The following MTX2 variants were observed in gnomAD, a reference collection of about 807,000 sequenced individuals.
The protein encoded by MTX2 is metaxin 2.
MTX2 carries 35 observed loss-of-function variants against 42.3 expected under a neutral mutation model. The ratio of observed to expected loss-of-function variants is 0.83; its 90% confidence interval spans 0.63 to 1.10. The LOEUF is 1.10. Among genes scored for constraint, MTX2 ranks in the 50% least tolerant of loss-of-function variants. The probability of loss-of-function intolerance (pLI) is 0.00; values close to 1 mark genes in which losing one functional copy is unlikely to be tolerated. For missense variants in MTX2, 307 were observed against 304.1 expected (o/e 1.01, Z -0.07); for synonymous variants, 119 against 100.9 (o/e 1.18, Z -1.08).
At chr2:176,293,753 T>A (rs1352090597) in intron 1 of MTX2, among the ~76,000 whole-genome samples, 1 of 152,192 alleles carries the variant, frequency 6.6e-6, no homozygotes, top group Non-Finnish European at 1.5e-5. Context: ...TCTGTATAAA[T>A]TACCCAGTCT....
At chr2:176,282,137 T>TTTTTTTTTTG (rs1693094767) in intron 1 of MTX2, among the ~76,000 whole-genome samples, 4 of 138,876 alleles carry the variant, frequency 2.9e-5, no homozygotes, top group African/African-American at 1.1e-4. Flanking sequence ...TTTTTTTTTT[T>TTTTTTTTTTG]TTTTTTTTTT....
At chr2:176,304,681 A>G (rs1684101293) in intron 3 of MTX2, among the ~76,000 whole-genome samples, 1 of 152,048 alleles carries the variant, frequency 6.6e-6, no homozygotes, top group Non-Finnish European at 1.5e-5. Context: ...GTCTGGTTGA[A>G]AAAGGATATG....
chr2:176,332,962 A>C (rs1218173643), intron 9 of MTX2, among the ~76,000 whole-genome samples: 1 of 151,460 alleles, frequency 6.6e-6, no homozygotes, highest in African/African-American at 2.4e-5. Context: ...GTTGAATTTT[A>C]CTGAGTGCCA....
chr2:176,280,869 G>A (rs749630166), intron 1 of MTX2, among the ~76,000 whole-genome samples: 2 of 152,226 alleles, frequency 1.3e-5, no homozygotes, highest in South Asian at 2.1e-4. Flanking sequence ...TAAGGAGAGC[G>A]TCATGGACAA....
chr2:176,297,999 GT>G, intron 3 of MTX2, 104 bp downstream of exon 3: 1 of 704,488 alleles, frequency 1.4e-6, no homozygotes. Context: ...GATACTATAT[GT>G]TTAGATTTTT....
chr2:176,330,785 A>AT, intron 9 of MTX2, 125 bp downstream of exon 9: 4 of 674,598 alleles, frequency 5.9e-6, no homozygotes, highest in Admixed American at 2.5e-5. Context: ...GTACTCAAAT[A>AT]TTTTTGTGGC....
At chr2:176,310,904 C>T (rs778680867) in intron 3 of MTX2, among the ~76,000 whole-genome samples, 1 of 152,208 alleles carries the variant, frequency 6.6e-6, no homozygotes, top group African/African-American at 2.4e-5. Context: ...CTTCTGTCAA[C>T]TTGTGAAAGT....
chr2:176,274,072 T>C (rs1271997607), intron 1 of MTX2, among the ~76,000 whole-genome samples: 1 of 152,176 alleles, frequency 6.6e-6, no homozygotes, highest in Non-Finnish European at 1.5e-5. Flanking sequence ...GGCACCGTTT[T>C]AACCATTTAA....
At chr2:176,310,161 A>T (rs573615901) in intron 3 of MTX2, among the ~76,000 whole-genome samples, 17 of 152,080 alleles carry the variant, frequency 1.1e-4, no homozygotes, top group Non-Finnish European at 1.9e-4. Flanking sequence ...TCCTTCACTT[A>T]TGAAGCTTAG....
intron 1 of MTX2, among the ~76,000 whole-genome samples, chr2:176,294,340 A>G (rs1052931200): frequency 6.4e-5 from 9 of 140,582 alleles, no homozygotes; most frequent in Non-Finnish European, 1.0e-4. Context: ...GCTGGACTGC[A>G]GTGGCGTGAT....
At chr2:176,330,351 T>C (rs1490322015) in intron 8 of MTX2, among the ~76,000 whole-genome samples, 2 of 149,850 alleles carry the variant, frequency 1.3e-5, no homozygotes, top group East Asian at 1.9e-4. Flanking sequence ...TATATACTTA[T>C]ATAGAAAGTA....
intron 1 of MTX2, among the ~76,000 whole-genome samples, chr2:176,280,410 A>G (rs1312702927): frequency 5.9e-5 from 9 of 152,228 alleles, no homozygotes; most frequent in South Asian, 2.1e-4. Context: ...GTAACTATCA[A>G]AAGTCTTAAC....
At chr2:176,296,955 A>C in intron 2 of MTX2, 48 bp downstream of exon 2, 1 of 1,544,624 alleles carries the variant, frequency 6.5e-7, no homozygotes, top group Non-Finnish European at 8.9e-7. Context: ...AACTATATTT[A>C]TTACGGAAAA....
At chr2:176,303,247 A>T (rs1047645264) in intron 3 of MTX2, among the ~76,000 whole-genome samples, 2 of 152,114 alleles carry the variant, frequency 1.3e-5, no homozygotes, top group Non-Finnish European at 2.9e-5. Flanking sequence ...ACAAAACTTT[A>T]TTAAAGCCTC....
At chr2:176,279,982 G>A (rs539747513) in intron 1 of MTX2, among the ~76,000 whole-genome samples, 28 of 152,194 alleles carry the variant, frequency 1.8e-4, no homozygotes, top group African/African-American at 6.5e-4. Flanking sequence ...AATGACTATT[G>A]GTTTGACTTT....
intron 1 of MTX2, among the ~76,000 whole-genome samples, chr2:176,276,760 G>A (rs1692956515): frequency 6.6e-6 from 1 of 152,016 alleles, no homozygotes; most frequent in Non-Finnish European, 1.5e-5. Flanking sequence ...AGCAGAAAAT[G>A]CCCAAAGTAT....
chr2:176,308,283 C>T (rs1016101374), intron 3 of MTX2, among the ~76,000 whole-genome samples: 1 of 152,046 alleles, frequency 6.6e-6, no homozygotes, highest in African/African-American at 2.4e-5. Flanking sequence ...TTTTGATGTG[C>T]TGTTGCTGGA....
intron 9 of MTX2, among the ~76,000 whole-genome samples, chr2:176,336,255 C>A (rs1273213583): frequency 6.6e-6 from 1 of 151,852 alleles, no homozygotes; most frequent in Non-Finnish European, 1.5e-5. Flanking sequence ...ATTTATAGAT[C>A]ATTAGTAGTG....
At chr2:176,326,188 A>G (rs1684700902) in intron 4 of MTX2, among the ~76,000 whole-genome samples, 1 of 151,812 alleles carries the variant, frequency 6.6e-6, no homozygotes, top group African/African-American at 2.4e-5. Context: ...TATCTATAGA[A>G]GCTAGTTTTT....
Sources: gnomAD v4.1 joint callset for allele counts (sites outside exome capture counted in the v4.1 genomes callset) on GRCh38, gnomAD v4.1.1 for gene constraint, MANE v1.5 for transcripts, NCBI Gene and HGNC (gene_info 2026-07-23, HGNC 2026-07-21) for gene names.